The following MYO9A variants were observed in gnomAD, a reference collection of about 807,000 sequenced individuals.
The protein encoded by MYO9A is unconventional myosin-IXa.
In MYO9A, 103 loss-of-function variants were observed where a neutral mutation model predicts 293.3. That is an observed-to-expected ratio of 0.35 (90% CI 0.30 to 0.41). MYO9A has a LOEUF of 0.41. MYO9A is among the 10% of genes least tolerant of loss of function. MYO9A has a pLI of 1.00. For synonymous variants in MYO9A, 1,001 were observed against 1,035.7 expected, an observed-to-expected ratio of 0.97 and a Z score of 0.64; for missense variants, 2,685 against 3,033.0, an observed-to-expected ratio of 0.89 and a Z score of 2.69.
chr15:72,070,892 C>T (rs758795509), intron 1 of MYO9A, among the ~76,000 whole-genome samples: 3 of 152,152 alleles, frequency 2.0e-5, no homozygotes, highest in Non-Finnish European at 4.4e-5. Context: ...TCACCATATA[C>T]AAAAATTAAC....
intron 3 of MYO9A, among the ~76,000 whole-genome samples, chr15:72,031,588 A>T (rs975765064): frequency 3.9e-5 from 6 of 152,298 alleles, no homozygotes; most frequent in Admixed American, 1.3e-4. Flanking sequence ...TACTATACTC[A>T]ACTATCTTTG....
At chr15:71,944,672 C>G (rs117554352) in intron 15 of MYO9A, among the ~76,000 whole-genome samples, 6,935 of 150,132 alleles carry the variant, frequency 0.046, 214 homozygotes, top group Non-Finnish European at 0.064. Context: ...ATGTGTAGAT[C>G]TACTTCTGTA....
intron 1 of MYO9A, among the ~76,000 whole-genome samples, chr15:72,089,987 A>C (rs1290536613): frequency 2.0e-5 from 3 of 152,216 alleles, no homozygotes; most frequent in African/African-American, 7.2e-5. Context: ...TGAGATAACA[A>C]TGCTATATTA....
Position 71,999,881 on chromosome 15 carries a change from T to C in MYO9A, c.1440A>G (p.Glu480=), listed in dbSNP as rs757599764. The change falls in exon 9 of 42, where the codon GAA becomes GAG. Residue 480 remains glutamate (E), a synonymous_variant. Coordinates refer to ENST00000356056, the MANE Select transcript of MYO9A (RefSeq NM_006901.4). ...LVTRKTVTVG[E]KLILPYKLAE... is the part of the protein sequence containing the mutation. Reference sequence around the variant, plus strand: ...CCAACTTGTATGGCAAAATAAGCTTTTCTCCCACTGTCACCGTCTTCCTTG... The same window carrying C: ...CCAACTTGTATGGCAAAATAAGCTTCTCTCCCACTGTCACCGTCTTCCTTG... The C allele has an allele frequency of 6.2e-7, 1 of 1,612,192 alleles. No homozygotes were observed. The highest frequency in any genetic ancestry group is 1.3e-5 in the African/African-American group (1 of 74,836).
chr15:71,961,532 T>C (rs772680435), intron 13 of MYO9A, among the ~76,000 whole-genome samples: 7 of 152,204 alleles, frequency 4.6e-5, no homozygotes, highest in Admixed American at 1.3e-4. Flanking sequence ...ATACTCCTAA[T>C]AATCCTTTCA....
chr15:71,891,221 T>G (rs959279402), intron 26 of MYO9A: 1 of 152,174 alleles, frequency 6.6e-6, no homozygotes, highest in Non-Finnish European at 1.5e-5. Flanking sequence ...ACTAACACAC[T>G]GTGCAGGGAA....
intron 15 of MYO9A, among the ~76,000 whole-genome samples, chr15:71,948,096 T>G (rs557580096): frequency 5.2e-4 from 79 of 152,346 alleles, no homozygotes; most frequent in Non-Finnish European, 8.7e-4. Flanking sequence ...GGTCACACAC[T>G]GTAACTTCTG....
At chr15:72,103,410 CA>C (rs1347559029) in intron 1 of MYO9A, among the ~76,000 whole-genome samples, 2 of 134,400 alleles carry the variant, frequency 1.5e-5, no homozygotes, top group African/African-American at 6.2e-5. Context: ...CAGCAAGCAG[CA>C]AGCAGCAGCA....
rs999660592 is a variant in MYO9A, at chr15:71,825,598, C to CATT, written c.*979_*981dup. ...TTTTTGGAAACTAACTAAACGGTCA[C>CATT]ATTATTTGTTTGTTTGTTTGAGTCT... On this transcript the variant is annotated 3_prime_UTR_variant, in exon 42 of 42. Coordinates refer to ENST00000356056, the MANE Select transcript of MYO9A (RefSeq NM_006901.4). 2.6e-5 allele frequency: 4 copies of CATT among 151,560 alleles called. No individual in the cohort carries two copies. The highest frequency in any genetic ancestry group is 9.7e-5 in the African/African-American group (4 of 41,284). 9.4% of individuals were successfully genotyped at this position (151,560 alleles called of 1,614,324 possible). A position where few individuals can be genotyped will look rare whatever the true frequency, so the allele number is the denominator to read the frequency against.
At chr15:72,077,181 TAAGAGAA>T (rs2079380484) in intron 1 of MYO9A, among the ~76,000 whole-genome samples, 1 of 152,186 alleles carries the variant, frequency 6.6e-6, no homozygotes, top group Non-Finnish European at 1.5e-5. Context: ...GATGACAGTA[TAAGAGAA>T]AATCTTGCTA....
chr15:71,859,882 A>C (rs914423846), intron 33 of MYO9A, 86 bp from the exon 34 acceptor site: 2 of 1,189,230 alleles, frequency 1.7e-6, no homozygotes, highest in African/African-American at 1.5e-5. Flanking sequence ...TTTTAGACCT[A>C]CGTTTTTTTC....
intron 7 of MYO9A, among the ~76,000 whole-genome samples, chr15:72,008,156 G>C (rs1476491930): frequency 6.6e-6 from 1 of 152,100 alleles, no homozygotes; most frequent in East Asian, 1.9e-4. Context: ...ATGGCCTTAA[G>C]TATACCACTT....
rs2054397181 is a variant in MYO9A, at chr15:71,824,680, A to C, written c.*1900T>G. The stretch of plus-strand genomic sequence containing the variant: ...ACATTATTTATTACTCCTCAGGACA[A>C]GATGAACAAGGTGGCAGATGTCTGT... On this transcript the variant is annotated 3_prime_UTR_variant, in exon 42 of 42. Coordinates refer to ENST00000356056, the MANE Select transcript of MYO9A (RefSeq NM_006901.4). The C allele has an allele frequency of 6.6e-6, 1 of 152,242 alleles. No individual in the cohort carries two copies. Among genetic ancestry groups the C allele is most frequent in the Non-Finnish European group, 1.5e-5 (1 of 68,040 alleles). 9.4% of individuals were successfully genotyped at this position (152,242 alleles called of 1,614,324 possible). A position where few individuals can be genotyped will look rare whatever the true frequency, so the allele number is the denominator to read the frequency against.
intron 26 of MYO9A, chr15:71,892,944 C>CT: frequency 3.3e-6 from 4 of 1,223,844 alleles, no homozygotes; most frequent in Non-Finnish European, 4.2e-6. Flanking sequence ...TGCTATTTTT[C>CT]TTATATTGCT....
intron 18 of MYO9A, among the ~76,000 whole-genome samples, chr15:71,925,424 T>C (rs923637034): frequency 6.6e-6 from 1 of 151,660 alleles, no homozygotes. Context: ...TATGTATATG[T>C]ATATATAGAT....
At chr15:72,094,002 A>G (rs2080000583) in intron 1 of MYO9A, among the ~76,000 whole-genome samples, 1 of 91,984 alleles carries the variant, frequency 1.1e-5, no homozygotes, top group African/African-American at 2.6e-5. Context: ...AGAAAAATAC[A>G]CACCCAAAAA....
At chr15:71,885,356 TTATTC>T (rs2056988312) in intron 27 of MYO9A, among the ~76,000 whole-genome samples, 1 of 152,170 alleles carries the variant, frequency 6.6e-6, no homozygotes, top group African/African-American at 2.4e-5. Context: ...ATAATCTACT[TTATTC>T]TAGAGGATTT....
chr15:71,852,337 A>C, intron 35 of MYO9A, 77 bp from the exon 36 acceptor site: 1 of 1,331,022 alleles, frequency 7.5e-7, no homozygotes, highest in Non-Finnish European at 1.0e-6. Context: ...AGAAACTATC[A>C]TCATTAAAGG....
At chr15:72,099,400 G>A (rs981343982) in intron 1 of MYO9A, among the ~76,000 whole-genome samples, 1 of 110,594 alleles carries the variant, frequency 9.0e-6, no homozygotes, top group Non-Finnish European at 1.8e-5. Flanking sequence ...GAGATGCTGG[G>A]CAATAGAGCA....
Sources: allele counts gnomAD v4.1 joint callset (sites outside exome capture counted in the v4.1 genomes callset), GRCh38; gene constraint gnomAD v4.1.1; transcripts MANE v1.5; gene names NCBI Gene and HGNC (gene_info 2026-07-23, HGNC 2026-07-21).